The following CRACD variants were observed in gnomAD, a reference collection of about 807,000 sequenced individuals.
CRACD encodes capping protein-inhibiting regulator of actin dynamics.
A neutral mutation model predicts 106.8 loss-of-function variants in CRACD; 56 were observed. The observed-to-expected ratio is 0.52, with a 90% CI of 0.42 to 0.66. The LOEUF is 0.66. Ranked by LOEUF, CRACD falls within the 30% of genes least tolerant of loss-of-function variation. The pLI, the probability that CRACD is intolerant of heterozygous loss-of-function variation, is 0.00. For missense variants in CRACD, 1,730 were observed against 1,623.2 expected (o/e 1.07, Z -1.13); for synonymous variants, 754 against 670.8 (o/e 1.12, Z -1.92).
Position 56,316,594 on chromosome 4 carries a change from A to C in CRACD, c.3092A>C (p.Glu1031Ala). The change falls in exon 8 of 11, where the codon GAG becomes GCG. Residue 1031 changes from glutamate (E) to alanine (A), a missense_variant. Around this residue, in one of 5 missense-constraint regions of CRACD, gnomAD observed 1,620 missense variants for 1,481.6 expected, o/e 1.09. Coordinates refer to ENST00000682029, the MANE Select transcript of CRACD (RefSeq NM_001393381.1). ...PEERKGQKRDEEEEATERKPA... is the reference protein window; with the variant it reads ...PEERKGQKRDAEEEATERKPA... ...GAAAGGAAGGGACAGAAGAGGGACG[A>C]GGAGGAAGAGGCGACAGAGAGGAAA... The C allele has an allele frequency of 6.2e-7, 1 of 1,613,548 alleles. No individual in the cohort carries two copies. The highest frequency in any genetic ancestry group is 1.1e-5 in the South Asian group (1 of 91,010).
At chr4:56,119,329 CTTTTTTTT>C (rs11295008) in intron 1 of CRACD, among the ~76,000 whole-genome samples, 1 of 146,760 alleles carries the variant, frequency 6.8e-6, no homozygotes, top group Non-Finnish European at 1.5e-5. Context: ...TATTCTCAGT[CTTTTTTTT>C]TTTCTTTTTT....
chr4:56,216,949 C>T lies in CRACD; in HGVS notation c.-189+37519C>T, dbSNP rs530859443. On this transcript the variant is annotated intron_variant, in intron 2 of 10. Transcript: ENST00000682029. ...GAGCCGAGATTGCGCCACTGCAGTC[C>T]GCAGTCCGGCCTGGGCGACAGAGCG... is the stretch of plus-strand genomic sequence containing the variant. Among the ~76,000 whole-genome samples the T allele has an allele frequency of 1.5e-3, 216 of 143,840 alleles. 1 individual carries two copies. The highest frequency in any genetic ancestry group is 2.6e-3 in the Non-Finnish European group (171 of 66,746). 94.4% of individuals were successfully genotyped at this position (143,840 alleles called of 152,430 possible).
chr4:56,099,386 C>G (rs1308435691), intron 1 of CRACD, among the ~76,000 whole-genome samples: 1 of 152,168 alleles, frequency 6.6e-6, no homozygotes, highest in Non-Finnish European at 1.5e-5. Flanking sequence ...TGATGATGTA[C>G]TCACTTGCCT....
At chr4:56,204,197 T>A (rs1738015444) in intron 2 of CRACD, among the ~76,000 whole-genome samples, 1 of 152,212 alleles carries the variant, frequency 6.6e-6, no homozygotes, top group South Asian at 2.1e-4. Context: ...ACCTGGTTGG[T>A]CCATTGCCAT....
intron 5 of CRACD, 86 bp downstream of exon 5, chr4:56,307,785 G>A: frequency 7.4e-7 from 1 of 1,349,502 alleles, no homozygotes; most frequent in East Asian, 2.4e-5. Context: ...CTGCAGCAGG[G>A]GAATTAGAGG....
chr4:56,095,679 A>C (rs1262732977), intron 1 of CRACD, among the ~76,000 whole-genome samples: 1 of 152,160 alleles, frequency 6.6e-6, no homozygotes, highest in Non-Finnish European at 1.5e-5. Context: ...CTGGTCCCTC[A>C]TGTAAGGCCT....
chr4:56,108,368 T>A (rs1734014147), intron 1 of CRACD, among the ~76,000 whole-genome samples: 1 of 152,174 alleles, frequency 6.6e-6, no homozygotes, highest in Non-Finnish European at 1.5e-5. Flanking sequence ...AGTCTGTGCA[T>A]GAGAAAACAC....
rs371661009 is a variant in CRACD, at chr4:56,284,933, G to A, written c.-17+12441G>A. Among the ~76,000 whole-genome samples, 3 of 152,298 alleles carry A rather than the reference G, an allele frequency of 2.0e-5. No homozygotes were observed. In the East Asian group the frequency reaches 5.8e-4, roughly 29 times the overall value. On this transcript the variant is annotated intron_variant, in intron 3 of 10. Transcript: ENST00000682029. ...GGTTTGAGCTGGATCTCAAAAGATGGTGTATTAGTCTGTTTTCACACTGCT... is the reference window on the plus strand; with the variant it reads ...GGTTTGAGCTGGATCTCAAAAGATGATGTATTAGTCTGTTTTCACACTGCT...
intron 1 of CRACD, among the ~76,000 whole-genome samples, chr4:56,066,247 G>A (rs1039708892): frequency 1.2e-4 from 18 of 152,162 alleles, no homozygotes; most frequent in Non-Finnish European, 7.4e-5. Flanking sequence ...GGTTAGTTTT[G>A]AATACCCCAG....
Position 56,329,324 on chromosome 4 carries a change from C to T in CRACD, c.*1520C>T, listed in dbSNP as rs1028483137. On this transcript the variant is annotated 3_prime_UTR_variant, in exon 11 of 11. Coordinates refer to ENST00000682029, the MANE Select transcript of CRACD (RefSeq NM_001393381.1). ...GAGGGAATTACATCCTTTTTCCTCT[C>T]CTACAAAAACATGCTTTATTAAGTA... Among the ~76,000 whole-genome samples the T allele has an allele frequency of 8.5e-5, 13 of 152,174 alleles. No individual in the cohort carries two copies. The highest frequency in any genetic ancestry group is 6.5e-4 in the Admixed American group (10 of 15,282).
In CRACD at chr4:56,278,458, A is replaced by C. The variant is rs551300381; in HGVS notation, c.-17+5966A>C. 1.1e-3 allele frequency among the ~76,000 whole-genome samples: 160 copies of C among 152,350 alleles called. 2 individuals carry two copies. Among genetic ancestry groups the C allele is most frequent in the Middle Eastern group, 3.4e-3 (1 of 294 alleles). ...CTGGGACAATTGGATAGCCACATGC[A>C]AAAGAATGAAATTGGACCCTTTTTT... On this transcript the variant is annotated intron_variant, in intron 3 of 10. Transcript: ENST00000682029.
chr4:56,318,690 A>G (rs1339543393), intron 8 of CRACD, among the ~76,000 whole-genome samples: 1 of 152,190 alleles, frequency 6.6e-6, no homozygotes, highest in African/African-American at 2.4e-5. Context: ...AATAGCCTGA[A>G]AGCAAGGATC....
In CRACD at chr4:56,083,500, A is replaced by G. The variant is rs73164232; in HGVS notation, c.-336+34201A>G. 6.1e-3 allele frequency among the ~76,000 whole-genome samples: 930 copies of G among 152,052 alleles called. 14 individuals are homozygous for G. Among genetic ancestry groups the G allele is most frequent in the African/African-American group, 0.021 (865 of 41,508 alleles). ...CAATTCATCCATCCATCCATCCCAT[A>G]CCATACCCCACCCTACCCTACCCTA... On this transcript the variant is annotated intron_variant, in intron 1 of 10. Transcript: ENST00000682029.
At chr4:56,310,018 CAAAA>C (rs34745980) in intron 5 of CRACD, among the ~76,000 whole-genome samples, 1 of 112,170 alleles carries the variant, frequency 8.9e-6, no homozygotes. Flanking sequence ...GACCCTGTCT[CAAAA>C]AAAAAAAAAA....
intron 2 of CRACD, among the ~76,000 whole-genome samples, chr4:56,200,735 T>G (rs1187498318): frequency 6.6e-6 from 1 of 152,212 alleles, no homozygotes; most frequent in Non-Finnish European, 1.5e-5. Flanking sequence ...ACAGCAAAAT[T>G]AAGTAGAAAG....
chr4:56,220,622 A>G (rs1374147415), intron 2 of CRACD, among the ~76,000 whole-genome samples: 1 of 145,440 alleles, frequency 6.9e-6, no homozygotes, highest in Non-Finnish European at 1.5e-5. Context: ...CCGGCTTTTG[A>G]TTTTTTTTTT....
intron 1 of CRACD, among the ~76,000 whole-genome samples, chr4:56,128,938 G>T (rs1041217218): frequency 3.3e-5 from 5 of 152,008 alleles, no homozygotes; most frequent in Non-Finnish European, 5.9e-5. Context: ...TCTTCAGCAA[G>T]TATTTATTCT....
At chr4:56,091,392 A>G (rs868779239) in intron 1 of CRACD, among the ~76,000 whole-genome samples, 9 of 149,834 alleles carry the variant, frequency 6.0e-5, no homozygotes, top group Admixed American at 2.0e-4. Context: ...ACGCAGGCAT[A>G]TGTAACAGGG....
chr4:56,121,460 A>G (rs1577676478), intron 1 of CRACD, among the ~76,000 whole-genome samples: 1 of 152,302 alleles, frequency 6.6e-6, no homozygotes, highest in East Asian at 1.9e-4. Flanking sequence ...CCTGGCCAAC[A>G]TGGTGAAACC....
Sources: allele counts gnomAD v4.1 joint callset (sites outside exome capture counted in the v4.1 genomes callset), GRCh38; gene constraint gnomAD v4.1.1; regional missense constraint gnomAD v4.1.1; transcripts MANE v1.5; gene names NCBI Gene and HGNC (gene_info 2026-07-23, HGNC 2026-07-21).